Variants in IQCJ observed in about 807,000 individuals in gnomAD.
IQCJ encodes IQ motif containing J.
IQCJ carries 9 observed loss-of-function variants against 11.0 expected under a neutral mutation model. That is an observed-to-expected ratio of 0.82 (90% CI 0.49 to 1.43). The LOEUF is 1.43. IQCJ is among the 40% of genes most tolerant of loss of function. IQCJ has a pLI of 0.00. For missense variants in IQCJ, 146 were observed against 133.2 expected (o/e 1.10, Z -0.47); for synonymous variants, 55 against 51.3 (o/e 1.07, Z -0.31).
chr3:159,166,946 A>T (rs1722202615), intron 1 of IQCJ, among the ~76,000 whole-genome samples: 1 of 152,192 alleles, frequency 6.6e-6, no homozygotes, highest in South Asian at 2.1e-4. Context: ...AATACTAGGG[A>T]TATTGGAAAC....
chr3:159,116,781 GA>G (rs1207759451), intron 1 of IQCJ, among the ~76,000 whole-genome samples: 6 of 151,068 alleles, frequency 4.0e-5, no homozygotes, highest in Non-Finnish European at 7.4e-5. Context: ...TTGTGCAATT[GA>G]AAAAGGGTAA....
intron 3 of IQCJ, among the ~76,000 whole-genome samples, chr3:159,259,584 C>T (rs943016414): frequency 6.6e-6 from 1 of 152,186 alleles, no homozygotes; most frequent in African/African-American, 2.4e-5. Context: ...AGTAAAATAA[C>T]ATCTGGAGAT....
At chr3:159,193,628 T>C (rs1231104104) in intron 1 of IQCJ, among the ~76,000 whole-genome samples, 1 of 152,178 alleles carries the variant, frequency 6.6e-6, no homozygotes, top group Admixed American at 6.5e-5. Flanking sequence ...GGCTAAGAAC[T>C]TATGAGCAAA....
In IQCJ at chr3:159,219,479, G is replaced by A. The variant is rs375659953; in HGVS notation, c.10-26364G>A. 6.6e-5 allele frequency among the ~76,000 whole-genome samples: 10 copies of A among 152,226 alleles called. No individual in the cohort carries two copies. In the East Asian group the frequency reaches 1.7e-3, roughly 26 times the overall value. On this transcript the variant is annotated intron_variant, in intron 1 of 3. Transcript: ENST00000397832. ...CACTCTGTGTACTGGCCTGTGGTCA[G>A]CAGAGGACATGACCTCTTGACACTC...
In IQCJ at chr3:159,069,389, C is replaced by T. The variant is rs1361561735; in HGVS notation, c.-44C>T. Reference sequence around the variant, plus strand: ...CTGAGGAATACAGTGTGCCAGCATCCGATCCAGTCTCCTTTCACCTGCAGG... The same window carrying T: ...CTGAGGAATACAGTGTGCCAGCATCTGATCCAGTCTCCTTTCACCTGCAGG... On this transcript the variant is annotated 5_prime_UTR_variant, in exon 1 of 4. Transcript: ENST00000397832. The T allele has an allele frequency of 9.4e-6, 15 of 1,595,350 alleles. No individual in the cohort carries two copies. Among genetic ancestry groups the T allele is most frequent in the East Asian group, 8.9e-5 (4 of 44,738 alleles).
At chr3:159,236,987 C>T (rs1025075506) in intron 1 of IQCJ, among the ~76,000 whole-genome samples, 32 of 152,126 alleles carry the variant, frequency 2.1e-4, no homozygotes, top group African/African-American at 7.7e-4. Context: ...ATAATTATTT[C>T]CAAGACACAA....
At chr3:159,233,214 G>C (rs1404479502) in intron 1 of IQCJ, among the ~76,000 whole-genome samples, 1 of 152,092 alleles carries the variant, frequency 6.6e-6, no homozygotes, top group African/African-American at 2.4e-5. Flanking sequence ...GTCGGTTGGG[G>C]ATGGAAAGAG....
At chr3:159,233,360 T>A (rs1726381701) in intron 1 of IQCJ, among the ~76,000 whole-genome samples, 1 of 152,164 alleles carries the variant, frequency 6.6e-6, no homozygotes, top group Admixed American at 6.5e-5. Context: ...AGGTTGCTCC[T>A]TCTGGCAGGC....
chr3:159,248,126 A>G (rs776055708), intron 2 of IQCJ, among the ~76,000 whole-genome samples: 1 of 152,170 alleles, frequency 6.6e-6, no homozygotes, highest in Non-Finnish European at 1.5e-5. Flanking sequence ...GAGCCCCACT[A>G]TACTTATCTT....
At chr3:159,225,946 A>T (rs982228966) in intron 1 of IQCJ, among the ~76,000 whole-genome samples, 2 of 152,176 alleles carry the variant, frequency 1.3e-5, no homozygotes, top group Admixed American at 1.3e-4. Flanking sequence ...GAATTCAGGG[A>T]AACACTTTAC....
intron 1 of IQCJ, among the ~76,000 whole-genome samples, chr3:159,212,462 T>C (rs1725007831): frequency 6.6e-6 from 1 of 152,238 alleles, no homozygotes; most frequent in Non-Finnish European, 1.5e-5. Context: ...AAGTATTACA[T>C]AAATGTTAGC....
Position 159,093,009 on chromosome 3 carries a change from G to T in IQCJ, c.9+23568G>T, listed in dbSNP as rs1024224585. Among the ~76,000 whole-genome samples, 14 of 151,568 alleles carry T rather than the reference G, an allele frequency of 9.2e-5. 1 individual carries two copies. The highest frequency in any genetic ancestry group is 3.4e-4 in the African/African-American group (14 of 40,982). On this transcript the variant is annotated intron_variant, in intron 1 of 3. Transcript: ENST00000397832. ...ATTTGGACTTTCCTTATTTCTCAAG[G>T]TTATGATAGTTCATTTTAAATCCCT...
At chr3:159,130,575 G>T (rs1158933088) in intron 1 of IQCJ, among the ~76,000 whole-genome samples, 1 of 152,178 alleles carries the variant, frequency 6.6e-6, no homozygotes, top group Non-Finnish European at 1.5e-5. Context: ...ACATCATAAG[G>T]TTGAGGAGAA....
At chr3:159,264,997 A>C (rs893963046), downstream of IQCJ, among the ~76,000 whole-genome samples, 2 of 152,222 alleles carry the variant, frequency 1.3e-5, no homozygotes, top group African/African-American at 4.8e-5. Context: ...ATTCTAATAG[A>C]AGTTATTGAT....
At chr3:159,167,539 A>G (rs1284370936) in intron 1 of IQCJ, among the ~76,000 whole-genome samples, 1 of 152,214 alleles carries the variant, frequency 6.6e-6, no homozygotes, top group Non-Finnish European at 1.5e-5. Flanking sequence ...TCCTTTACAG[A>G]TAACATTTGA....
At chr3:159,119,468 G>C (rs536719548) in intron 1 of IQCJ, among the ~76,000 whole-genome samples, 1 of 152,242 alleles carries the variant, frequency 6.6e-6, no homozygotes, top group African/African-American at 2.4e-5. Flanking sequence ...GTGATATTAG[G>C]CCCATGCCTT....
intron 1 of IQCJ, among the ~76,000 whole-genome samples, chr3:159,141,110 CAAG>C (rs1249328474): frequency 6.6e-6 from 1 of 152,038 alleles, no homozygotes; most frequent in Non-Finnish European, 1.5e-5. Flanking sequence ...AACTGTTTCC[CAAG>C]AAGGACTAGA....
chr3:159,161,071 G>A (rs1577050666), intron 1 of IQCJ, among the ~76,000 whole-genome samples: 1 of 152,178 alleles, frequency 6.6e-6, no homozygotes, highest in African/African-American at 2.4e-5. Flanking sequence ...TAGGTCAAAT[G>A]ATATTTCTAG....
downstream of IQCJ, chr3:159,263,887 T>C (rs1165003733): frequency 4.4e-6 from 4 of 907,448 alleles, no homozygotes; most frequent in African/African-American, 7.2e-5. Flanking sequence ...AAACAATTAT[T>C]TAGGGGAATG....
Sources: allele counts gnomAD v4.1 joint callset (sites outside exome capture counted in the v4.1 genomes callset), GRCh38; gene constraint gnomAD v4.1.1; transcripts MANE v1.5; gene names NCBI Gene and HGNC (gene_info 2026-07-23, HGNC 2026-07-21).